WWC1: variants seen among roughly 807,000 people sequenced by gnomAD.
WWC1 encodes WW and C2 domain containing 1, also known as protein KIBRA.
Under a neutral mutation model 138.4 loss-of-function variants are expected in WWC1, and 55 were observed. The observed-to-expected ratio is 0.40, with a 90% CI of 0.32 to 0.50. The LOEUF (loss-of-function observed/expected upper bound fraction) is 0.50, where lower values mean the gene tolerates loss of function less well. Ranked by LOEUF, WWC1 falls within the 20% of genes least tolerant of loss-of-function variation. The pLI, the probability that WWC1 is intolerant of heterozygous loss-of-function variation, is 0.72. For synonymous variants in WWC1, 524 were observed against 564.9 expected (o/e 0.93, Z 1.03); for missense variants, 1,226 against 1,420.4 (o/e 0.86, Z 2.20).
chr5:168,391,094 G>A (rs1778449776), intron 3 of WWC1, among the ~76,000 whole-genome samples: 1 of 152,184 alleles, frequency 6.6e-6, no homozygotes, highest in Non-Finnish European at 1.5e-5. Context: ...CAAATGCTAA[G>A]GCTCTTCAGC....
chr5:168,293,268 A>ACGG (rs1769230294), intron 1 of WWC1, among the ~76,000 whole-genome samples: 1 of 152,152 alleles, frequency 6.6e-6, no homozygotes, highest in African/African-American at 2.4e-5. Flanking sequence ...TGTTGTTGAC[A>ACGG]CGGTCTGTGG....
At chr5:168,372,314 T>C (rs976708893) in intron 2 of WWC1, among the ~76,000 whole-genome samples, 1 of 152,182 alleles carries the variant, frequency 6.6e-6, no homozygotes, top group Non-Finnish European at 1.5e-5. Context: ...AGCACCCTCT[T>C]GGCCAAGACT....
chr5:168,311,440 A>G (rs1274949793), intron 1 of WWC1, among the ~76,000 whole-genome samples: 2 of 152,046 alleles, frequency 1.3e-5, no homozygotes, highest in Admixed American at 6.6e-5. Flanking sequence ...CTCTATACCT[A>G]CCCACCTATG....
At chr5:168,319,310 C>G (rs2152756650) in intron 1 of WWC1, among the ~76,000 whole-genome samples, 1 of 152,246 alleles carries the variant, frequency 6.6e-6, no homozygotes, top group South Asian at 2.1e-4. Context: ...ATCCCAGCTC[C>G]TCGGGAGGCC....
chr5:168,412,439 G>A (rs1227646047), intron 8 of WWC1, among the ~76,000 whole-genome samples: 2 of 152,130 alleles, frequency 1.3e-5, no homozygotes, highest in African/African-American at 4.8e-5. Flanking sequence ...AGGATGTAAG[G>A]CCTGAAATTT....
At chr5:168,367,720 G>A (rs561256799) in intron 1 of WWC1, among the ~76,000 whole-genome samples, 66 of 152,232 alleles carry the variant, frequency 4.3e-4, no homozygotes, top group Admixed American at 1.2e-3. Context: ...TGCCGAGCAT[G>A]TTTTCTTATT....
intron 1 of WWC1, among the ~76,000 whole-genome samples, chr5:168,319,750 C>G (rs1242114527): frequency 3.3e-5 from 5 of 152,182 alleles, no homozygotes; most frequent in Non-Finnish European, 7.3e-5. Flanking sequence ...AGTCCGCCCA[C>G]CTTGGCCTCC....
chr5:168,374,349 C>T (rs546055290), intron 2 of WWC1, among the ~76,000 whole-genome samples: 1 of 151,960 alleles, frequency 6.6e-6, no homozygotes, highest in Non-Finnish European at 1.5e-5. Flanking sequence ...AAGAAAGGGC[C>T]GTGGTAATGG....
chr5:168,396,616 A>G (rs899764921), intron 3 of WWC1, among the ~76,000 whole-genome samples: 1 of 152,130 alleles, frequency 6.6e-6, no homozygotes, highest in Non-Finnish European at 1.5e-5. Flanking sequence ...CACAAATCTT[A>G]TATCTGGTCC....
chr5:168,404,405 T>C (rs757774571), intron 5 of WWC1, among the ~76,000 whole-genome samples: 17 of 152,210 alleles, frequency 1.1e-4, no homozygotes, highest in South Asian at 4.1e-4. Context: ...GCCCGAGTCC[T>C]GGAAAGGAAT....
chr5:168,391,116 C>T (rs1778452181), intron 3 of WWC1, among the ~76,000 whole-genome samples: 1 of 152,202 alleles, frequency 6.6e-6, no homozygotes, highest in African/African-American at 2.4e-5. Context: ...ACACTTGGTT[C>T]CTCCACCCTC....
chr5:168,353,428 G>A (rs965504693), intron 1 of WWC1, among the ~76,000 whole-genome samples: 2 of 152,220 alleles, frequency 1.3e-5, no homozygotes, highest in Admixed American at 6.5e-5. Context: ...GTGCAAACAC[G>A]CGACAGCCCT....
rs140349506 is a variant in WWC1 at position 168,385,380 on chromosome 5, C to T, written c.399C>T (p.Ala133=). 3.2e-5 allele frequency: 51 copies of T among 1,613,992 alleles called. No homozygotes were observed. In the Admixed American group the frequency reaches 4.0e-4, roughly 13 times the overall value. Residue 133 remains alanine, a synonymous_variant, in exon 3 of 23, where the codon GCC becomes GCT. Transcript: ENST00000265293. ...LAQQEYQQLH[A]VWEHKLGSQV... The stretch of plus-strand genomic sequence containing the variant: ...AGCAGGAGTACCAGCAACTGCATGC[C>T]GTCTGGGAGCATAAGCTGGGCTCCC...
intron 1 of WWC1, among the ~76,000 whole-genome samples, chr5:168,323,644 A>T (rs78190947): frequency 3.3e-5 from 5 of 152,212 alleles, no homozygotes; most frequent in Non-Finnish European, 7.3e-5. Flanking sequence ...GACATTATTA[A>T]TCAGTCTAAG....
intron 17 of WWC1, among the ~76,000 whole-genome samples, chr5:168,452,065 C>G (rs535135102): frequency 1.5e-4 from 23 of 152,112 alleles, no homozygotes; most frequent in Non-Finnish European, 3.1e-4. Context: ...ACCACCACGC[C>G]TGGCTAATTT....
chr5:168,423,439 T>C (rs1011415058), intron 10 of WWC1, 94 bp from the exon 11 acceptor site: 3 of 1,382,144 alleles, frequency 2.2e-6, no homozygotes, highest in Non-Finnish European at 2.9e-6. Flanking sequence ...GCAAGTCTAG[T>C]GAGATCATGG....
chr5:168,452,154 C>T (rs1182736946), intron 17 of WWC1, among the ~76,000 whole-genome samples: 1 of 152,160 alleles, frequency 6.6e-6, no homozygotes, highest in East Asian at 1.9e-4. Flanking sequence ...GATCCGCCCA[C>T]CTTGGCCACC....
chr5:168,444,788 G>A (rs757187330), intron 17 of WWC1, among the ~76,000 whole-genome samples: 6 of 150,232 alleles, frequency 4.0e-5, no homozygotes, highest in South Asian at 2.1e-4. Context: ...TTGCCATTTC[G>A]TTTCCCATGA....
At chr5:168,386,559 A>AT (rs1229793743) in intron 3 of WWC1, among the ~76,000 whole-genome samples, 8 of 149,046 alleles carry the variant, frequency 5.4e-5, no homozygotes, top group East Asian at 2.0e-4. Context: ...CGCCCAGCTA[A>AT]TTTTTTTTTG....
Sources: allele counts gnomAD v4.1 joint callset (sites outside exome capture counted in the v4.1 genomes callset), GRCh38; gene constraint gnomAD v4.1.1; transcripts MANE v1.5; gene names NCBI Gene and HGNC (gene_info 2026-07-23, HGNC 2026-07-21).